The following SLC25A21 variants were observed in gnomAD, a reference collection of about 807,000 sequenced individuals.
SLC25A21 encodes the protein solute carrier family 25 member 21.
A neutral mutation model predicts 43.8 loss-of-function variants in SLC25A21; 47 were observed. The observed-to-expected ratio is 1.07, with a 90% CI of 0.85 to 1.37. The LOEUF (loss-of-function observed/expected upper bound fraction) is 1.37, where lower values mean the gene tolerates loss of function less well. Ranked by LOEUF, SLC25A21 falls within the 40% of genes most tolerant of loss-of-function variation. The probability of loss-of-function intolerance (pLI) is 0.00; values close to 1 mark genes in which losing one functional copy is unlikely to be tolerated. For synonymous variants in SLC25A21, 131 were observed against 121.3 expected, an observed-to-expected ratio of 1.08 and a Z score of -0.52; for missense variants, 352 against 350.2, an observed-to-expected ratio of 1.00 and a Z score of -0.04.
intron 1 of SLC25A21, among the ~76,000 whole-genome samples, chr14:36,980,542 C>T (rs996130335): frequency 2.6e-5 from 4 of 152,216 alleles, no homozygotes; most frequent in Non-Finnish European, 4.4e-5. Flanking sequence ...GAATTGGCTA[C>T]TGAAGCTTGT....
intron 1 of SLC25A21, among the ~76,000 whole-genome samples, chr14:37,012,406 TTC>T (rs975169404): frequency 2.6e-5 from 4 of 152,148 alleles, no homozygotes; most frequent in African/African-American, 7.2e-5. Context: ...ACGCTGCAAA[TTC>T]TGTCTCAAGC....
chr14:37,133,644 C>G, intron 1 of SLC25A21, among the ~76,000 whole-genome samples: 1 of 151,860 alleles, frequency 6.6e-6, no homozygotes, highest in East Asian at 1.9e-4. Flanking sequence ...AAAAAACCAC[C>G]AACACCTGCC....
At chr14:36,969,600 C>T (rs751474895) in intron 1 of SLC25A21, among the ~76,000 whole-genome samples, 4 of 151,754 alleles carry the variant, frequency 2.6e-5, no homozygotes, top group African/African-American at 7.3e-5. Context: ...ATGATCCTCC[C>T]GCCTCAGCCT....
intron 1 of SLC25A21, among the ~76,000 whole-genome samples, chr14:37,088,752 T>C (rs998649598): frequency 3.3e-5 from 5 of 152,204 alleles, no homozygotes; most frequent in African/African-American, 1.2e-4. Flanking sequence ...AGCCATAGGA[T>C]CATTTCCTTC....
intron 2 of SLC25A21, among the ~76,000 whole-genome samples, chr14:36,870,288 C>T (rs1402218014): frequency 1.3e-5 from 2 of 152,132 alleles, no homozygotes; most frequent in African/African-American, 2.4e-5. Context: ...TGGCTTAAAA[C>T]AACAAAAATT....
At chr14:37,064,361 T>C (rs937491943) in intron 1 of SLC25A21, among the ~76,000 whole-genome samples, 4 of 152,138 alleles carry the variant, frequency 2.6e-5, no homozygotes, top group Non-Finnish European at 5.9e-5. Context: ...AGTTAGCCTA[T>C]CGTGGGACTT....
At chr14:37,114,988 G>A (rs544607554) in intron 1 of SLC25A21, among the ~76,000 whole-genome samples, 2 of 152,170 alleles carry the variant, frequency 1.3e-5, no homozygotes, top group South Asian at 4.2e-4. Context: ...CAATTGTTCT[G>A]GCTCCAAGGA....
intron 2 of SLC25A21, among the ~76,000 whole-genome samples, chr14:36,830,975 G>C (rs8014221): frequency 0.083 from 12,714 of 152,268 alleles, 729 homozygotes; most frequent in East Asian, 0.31. Flanking sequence ...TGTGTTTAGA[G>C]ATCAGGCTAA....
intron 7 of SLC25A21, among the ~76,000 whole-genome samples, chr14:36,702,475 C>CAAAAAAAAAAAAA (rs1213350246): frequency 1.5e-4 from 10 of 66,124 alleles, no homozygotes; most frequent in African/African-American, 2.9e-4. Flanking sequence ...CCTGTCTCCA[C>CAAAAAAAAAAAAA]AAAAAAAAAA....
chr14:36,689,309 C>G (rs889758736), intron 7 of SLC25A21, among the ~76,000 whole-genome samples: 1 of 152,168 alleles, frequency 6.6e-6, no homozygotes, highest in Non-Finnish European at 1.5e-5. Context: ...CCACTGGGTC[C>G]CTCCTACAAC....
chr14:36,771,239 C>T (rs981292138), intron 3 of SLC25A21, among the ~76,000 whole-genome samples: 1 of 152,062 alleles, frequency 6.6e-6, no homozygotes, highest in Non-Finnish European at 1.5e-5. Flanking sequence ...CCTCAGCATT[C>T]TTCAAGTACT....
chr14:36,956,607 A>G (rs1450964671), intron 1 of SLC25A21, among the ~76,000 whole-genome samples: 7 of 152,294 alleles, frequency 4.6e-5, no homozygotes. Context: ...TTTATCACAT[A>G]TCTACTTTAA....
chr14:36,736,672 C>G (rs1471989091), intron 3 of SLC25A21, among the ~76,000 whole-genome samples: 1 of 151,770 alleles, frequency 6.6e-6, no homozygotes, highest in Non-Finnish European at 1.5e-5. Context: ...GCTTTTAAAA[C>G]AGAGTGTCCA....
intron 3 of SLC25A21, among the ~76,000 whole-genome samples, chr14:36,738,563 G>C (rs1476223545): frequency 6.6e-6 from 1 of 152,202 alleles, no homozygotes; most frequent in Non-Finnish European, 1.5e-5. Flanking sequence ...TACAGTGAAG[G>C]CATTCTTCTC....
At chr14:36,999,129 A>G (rs1464924537) in intron 1 of SLC25A21, among the ~76,000 whole-genome samples, 1 of 152,178 alleles carries the variant, frequency 6.6e-6, no homozygotes, top group Non-Finnish European at 1.5e-5. Context: ...TAATCGCCAA[A>G]ACTGGGAAGC....
At chr14:37,069,543 C>T (rs978657692) in intron 1 of SLC25A21, among the ~76,000 whole-genome samples, 1 of 152,148 alleles carries the variant, frequency 6.6e-6, no homozygotes, top group African/African-American at 2.4e-5. Flanking sequence ...CACATGCATC[C>T]TAATAGAACT....
At chr14:36,819,300 C>A (rs1888550860) in intron 2 of SLC25A21, among the ~76,000 whole-genome samples, 2 of 152,104 alleles carry the variant, frequency 1.3e-5, no homozygotes, top group Admixed American at 1.3e-4. Flanking sequence ...TGGTAGCCAA[C>A]AGGGTAAGGA....
intron 1 of SLC25A21, among the ~76,000 whole-genome samples, chr14:37,069,139 T>C (rs1962122423): frequency 6.6e-6 from 1 of 151,634 alleles, no homozygotes; most frequent in Non-Finnish European, 1.5e-5. Flanking sequence ...ATCATGCCAC[T>C]GCACTCCAGC....
chr14:36,722,376 G>A (rs1884410034), intron 6 of SLC25A21, among the ~76,000 whole-genome samples: 1 of 152,142 alleles, frequency 6.6e-6, no homozygotes, highest in South Asian at 2.1e-4. Flanking sequence ...TTATACATTT[G>A]TTCAAACTCA....
Sources: gnomAD v4.1 joint callset for allele counts (sites outside exome capture counted in the v4.1 genomes callset) on GRCh38, gnomAD v4.1.1 for gene constraint, MANE v1.5 for transcripts, NCBI Gene and HGNC (gene_info 2026-07-23, HGNC 2026-07-21) for gene names.